The following CHM variants were observed in gnomAD, a reference collection of about 807,000 sequenced individuals.
CHM encodes the protein CHM Rab escort protein, also known as rab proteins geranylgeranyltransferase component A 1.
Under a neutral mutation model 49.0 loss-of-function variants are expected in CHM, and 10 were observed. The ratio of observed to expected loss-of-function variants is 0.20; its 90% CI spans 0.13 to 0.35. The LOEUF (loss-of-function observed/expected upper bound fraction) is 0.35, where lower values mean the gene tolerates loss of function less well. Ranked by LOEUF, CHM falls within the 10% of genes least tolerant of loss-of-function variation. The pLI, the probability that CHM is intolerant of heterozygous loss-of-function variation, is 1.00. For synonymous variants in CHM, 184 were observed against 167.5 expected (o/e 1.10, Z -0.76); for missense variants, 455 against 478.4 (o/e 0.95, Z 0.46).
intron 4 of CHM, chrX:85,971,014 T>C: frequency 1.6e-6 from 1 of 639,532 alleles, no homozygotes; most frequent in Non-Finnish European, 1.9e-6. Flanking sequence ...AGTTGAATAA[T>C]ACTTCAGAAT....
Position 85,911,190 on chromosome X carries a change from T to TATATATATATGA in CHM, c.1244+59_1244+70dup, listed in dbSNP as rs1926974292. On this transcript the variant is annotated intron_variant, in intron 9 of 14. Transcript: ENST00000357749. ...ATATATATATGAATATATATATGAATATATATATATGAATATATATATATG... is the reference window on the plus strand; with the variant it reads ...ATATATATATGAATATATATATGAATATATATATATGAATATATATATGAATATATATATATG... 3 of 62,797 alleles carry TATATATATATGA rather than the reference T, an allele frequency of 4.8e-5. 1 individual carries two copies. In the African/African-American group the frequency reaches 5.2e-4, roughly 11 times the overall value. The allele number at this position is 62,797 out of a possible 1,213,427, so 5.2% of individuals were successfully genotyped here.
chrX:85,926,921 A>T (rs1251919713), intron 8 of CHM, among the ~76,000 whole-genome samples: 3 of 112,420 alleles, frequency 2.7e-5, no homozygotes, highest in African/African-American at 9.7e-5. Context: ...TACGTTTTAC[A>T]TAACAGTTAT....
In CHM at chrX:85,942,366, T is replaced by G. The variant is rs778409476; in HGVS notation, c.1166+13787A>C. ...CTTTTATAAGGTCTTAAGGAATGTT[T>G]ATCTGAGTTTAAAAAAATAATAAAA... On this transcript the variant is annotated intron_variant, in intron 8 of 14. Transcript: ENST00000357749. Among the ~76,000 whole-genome samples the G allele has an allele frequency of 8.3e-5, 9 of 108,960 alleles. No homozygotes were observed. The East Asian group carries it at 1.5e-3, about 18-fold the overall frequency. The allele number at this position is 108,960 out of a possible 115,157, so 94.6% of individuals were successfully genotyped here.
intron 8 of CHM, among the ~76,000 whole-genome samples, chrX:85,913,332 A>AGAAAG (rs1556281327): frequency 3.8e-4 from 9 of 23,406 alleles, no homozygotes; most frequent in East Asian, 2.8e-3. Context: ...AAAAAAAAAA[A>AGAAAG]AAAGAAAGAA....
At chrX:85,944,654 G>A (rs756034930) in intron 8 of CHM, among the ~76,000 whole-genome samples, 13 of 112,188 alleles carry the variant, frequency 1.2e-4, no homozygotes, top group Admixed American at 2.8e-4. Context: ...AGGCTGCAGA[G>A]AAAAGGGAAG....
At chrX:85,895,345 T>A (rs1212857793) in intron 11 of CHM, among the ~76,000 whole-genome samples, 2 of 108,622 alleles carry the variant, frequency 1.8e-5, no homozygotes, top group Non-Finnish European at 1.9e-5. Flanking sequence ...GGCTTCACCA[T>A]GTTGGCCAGG....
chrX:85,865,079 A>G (rs958419156), intron 14 of CHM, among the ~76,000 whole-genome samples: 1 of 111,323 alleles, frequency 9.0e-6, no homozygotes, highest in Admixed American at 9.6e-5. Context: ...TCAAGTGTTC[A>G]GATTGTTGAG....
chrX:85,897,409 A>G (rs764465870), intron 11 of CHM, among the ~76,000 whole-genome samples: 1 of 99,156 alleles, frequency 1.0e-5, no homozygotes, highest in African/African-American at 3.7e-5. Context: ...CAGGAGAGAG[A>G]GCAGGCAATA....
At chrX:85,924,940 G>A (rs377618133) in intron 8 of CHM, among the ~76,000 whole-genome samples, 16 of 111,810 alleles carry the variant, frequency 1.4e-4, no homozygotes, top group Admixed American at 1.2e-3. Flanking sequence ...CATTTATCTA[G>A]CTTCCTCTAT....
chrX:85,972,660 C>G, intron 4 of CHM, among the ~76,000 whole-genome samples: 1 of 112,786 alleles, frequency 8.9e-6, no homozygotes, highest in East Asian at 2.8e-4. Context: ...GAGTGCGGGG[C>G]CCGCCAAGCC....
At chrX:85,903,845 C>T (rs1926429969) in intron 9 of CHM, 2 of 304,846 alleles carry the variant, frequency 6.6e-6, no homozygotes, top group Admixed American at 7.6e-5. Flanking sequence ...GTGATGGTCA[C>T]ATATGCCCAA....
At chrX:85,944,097 T>C (rs1038425597) in intron 8 of CHM, among the ~76,000 whole-genome samples, 3 of 112,046 alleles carry the variant, frequency 2.7e-5, no homozygotes, top group Non-Finnish European at 5.6e-5. Context: ...CAGTTGAATA[T>C]ATAAACTCTT....
intron 2 of CHM, among the ~76,000 whole-genome samples, chrX:86,020,419 T>C (rs1366006377): frequency 4.6e-5 from 5 of 109,198 alleles, no homozygotes; most frequent in African/African-American, 1.7e-4. Context: ...GCCAATATGA[T>C]GCTCAAAAGA....
At position 85,889,718 on chromosome X, in the gene CHM, AAAG is replaced by A. The variant is rs777419270; in HGVS notation, c.1510+4467_1510+4469del. ...CATTACTGGGTATATATCCAAAAGA[AAAG>A]AAATCATTGTACAAAGAAAAAAAAA... On this transcript the variant is annotated intron_variant, in intron 12 of 14. Transcript: ENST00000357749. 2.4e-3 allele frequency among the ~76,000 whole-genome samples: 273 copies of A among 111,873 alleles called. 2 individuals carry two copies. The highest frequency in any genetic ancestry group is 4.6e-3 in the Middle Eastern group (1 of 217).
At chrX:85,871,441 A>G (rs1227589803) in intron 14 of CHM, among the ~76,000 whole-genome samples, 2 of 110,009 alleles carry the variant, frequency 1.8e-5, no homozygotes, top group African/African-American at 6.6e-5. Context: ...CCAATTAGTG[A>G]CTGACATAAT....
intron 12 of CHM, among the ~76,000 whole-genome samples, chrX:85,884,454 A>T (rs1924963554): frequency 9.0e-6 from 1 of 111,013 alleles, no homozygotes; most frequent in Admixed American, 9.6e-5. Flanking sequence ...GCACATAGAA[A>T]TTAAGTAACT....
intron 2 of CHM, among the ~76,000 whole-genome samples, chrX:86,003,319 A>C (rs1932785546): frequency 8.9e-6 from 1 of 112,411 alleles, no homozygotes; most frequent in Non-Finnish European, 1.9e-5. Context: ...CAGGGAGAAA[A>C]GCTGAAAATT....
chrX:85,918,477 TA>T (rs1377083822), intron 8 of CHM, among the ~76,000 whole-genome samples: 1 of 111,857 alleles, frequency 8.9e-6, no homozygotes, highest in African/African-American at 3.3e-5. Context: ...ACTGCCACTA[TA>T]AAGCAACCAC....
At chrX:85,897,552 G>A (rs1340738077) in intron 11 of CHM, among the ~76,000 whole-genome samples, 1 of 110,031 alleles carries the variant, frequency 9.1e-6, no homozygotes, top group Admixed American at 9.8e-5. Flanking sequence ...GGACTACTGC[G>A]CGTGGTGGAC....
Sources: allele counts gnomAD v4.1 joint callset (sites outside exome capture counted in the v4.1 genomes callset), GRCh38; gene constraint gnomAD v4.1.1; transcripts MANE v1.5; gene names NCBI Gene and HGNC (gene_info 2026-07-23, HGNC 2026-07-21).